The following ZNRF2 variants were observed in gnomAD, a reference collection of about 807,000 sequenced individuals.
ZNRF2 encodes E3 ubiquitin-protein ligase ZNRF2.
Under a neutral mutation model 20.4 loss-of-function variants are expected in ZNRF2, and 16 were observed. The observed-to-expected ratio is 0.79, with a 90% CI of 0.53 to 1.19. ZNRF2 has a LOEUF of 1.19. ZNRF2 is among the 50% of genes most tolerant of loss of function. ZNRF2 has a pLI of 0.00. For missense variants in ZNRF2, 363 were observed against 332.4 expected (o/e 1.09, Z -0.72); for synonymous variants, 178 against 144.9 (o/e 1.23, Z -1.64).
chr7:30,294,049 C>T (rs1283959782), intron 1 of ZNRF2, among the ~76,000 whole-genome samples: 2 of 151,926 alleles, frequency 1.3e-5, no homozygotes, highest in Non-Finnish European at 2.9e-5. Context: ...AACAGGGTCT[C>T]GCTATATTGC....
intron 2 of ZNRF2, among the ~76,000 whole-genome samples, chr7:30,354,001 G>A (rs1424835392): frequency 6.6e-6 from 1 of 151,886 alleles, no homozygotes; most frequent in Non-Finnish European, 1.5e-5. Context: ...TGTTCTCACT[G>A]CTATCAGTTA....
At chr7:30,298,449 G>C (rs535948008) in intron 1 of ZNRF2, among the ~76,000 whole-genome samples, 52 of 152,292 alleles carry the variant, frequency 3.4e-4, no homozygotes, top group African/African-American at 1.2e-3. Context: ...AGTGTCCTCT[G>C]TCTGGGCCAT....
At chr7:30,295,881 C>A (rs1799012483) in intron 1 of ZNRF2, among the ~76,000 whole-genome samples, 1 of 152,194 alleles carries the variant, frequency 6.6e-6, no homozygotes, top group Non-Finnish European at 1.5e-5. Flanking sequence ...AGACCATGTG[C>A]TTTACTCTGA....
intron 2 of ZNRF2, among the ~76,000 whole-genome samples, chr7:30,347,928 G>A (rs1288991797): frequency 6.6e-6 from 1 of 152,124 alleles, no homozygotes; most frequent in African/African-American, 2.4e-5. Flanking sequence ...TTTAGCCAGA[G>A]CTGCTGGTTC....
Position 30,360,053 on chromosome 7 carries a change from G to A in ZNRF2, c.672-2324G>A, listed in dbSNP as rs185414257. ...TTTGGTAGATAACCCTGTAATAGCT[G>A]TGTGGAGTACATATTCTACAACTCA... On this transcript the variant is annotated intron_variant, in intron 3 of 4. Transcript: ENST00000323037. Among the ~76,000 whole-genome samples the A allele has an allele frequency of 1.6e-4, 25 of 152,324 alleles. No homozygotes were observed. The East Asian group carries it at 4.6e-3, about 28-fold the overall frequency.
chr7:30,293,786 C>T (rs1156457701), intron 1 of ZNRF2, among the ~76,000 whole-genome samples: 9 of 152,092 alleles, frequency 5.9e-5, no homozygotes, highest in Admixed American at 4.6e-4. Flanking sequence ...TTATTTCATT[C>T]AGGGCTCTTT....
intron 2 of ZNRF2, among the ~76,000 whole-genome samples, chr7:30,347,400 A>C (rs187844075): frequency 6.6e-6 from 1 of 152,146 alleles, no homozygotes; most frequent in Non-Finnish European, 1.5e-5. Flanking sequence ...TTTCAGTGTC[A>C]GTGAGAGCAG....
At chr7:30,304,568 T>C (rs1799170802) in intron 1 of ZNRF2, among the ~76,000 whole-genome samples, 1 of 152,222 alleles carries the variant, frequency 6.6e-6, no homozygotes, top group South Asian at 2.1e-4. Context: ...TGGAGGAAAG[T>C]ATATTTGCAG....
intron 1 of ZNRF2, among the ~76,000 whole-genome samples, chr7:30,296,392 G>A (rs1200891166): frequency 6.6e-6 from 1 of 152,184 alleles, no homozygotes; most frequent in African/African-American, 2.4e-5. Flanking sequence ...ATGGTTGGAA[G>A]GATGGTTGAT....
intron 2 of ZNRF2, among the ~76,000 whole-genome samples, chr7:30,343,244 A>C (rs1295766571): frequency 6.6e-6 from 1 of 152,030 alleles, no homozygotes; most frequent in East Asian, 1.9e-4. Flanking sequence ...GAGCCCAGGA[A>C]TTGGAGGCTG....
intron 3 of ZNRF2, among the ~76,000 whole-genome samples, chr7:30,359,240 G>A (rs1047257979): frequency 2.6e-5 from 4 of 151,998 alleles, no homozygotes; most frequent in Non-Finnish European, 5.9e-5. Flanking sequence ...TTTTGTCTGG[G>A]ATACACTTCT....
chr7:30,362,649 C>G (rs538256510), intron 4 of ZNRF2, among the ~76,000 whole-genome samples, 193 bp downstream of exon 4: 1 of 152,192 alleles, frequency 6.6e-6, no homozygotes, highest in Non-Finnish European at 1.5e-5. Context: ...TATGCTGGCT[C>G]GCGCCTGTAA....
At chr7:30,311,427 A>G (rs928585807) in intron 1 of ZNRF2, among the ~76,000 whole-genome samples, 2 of 152,218 alleles carry the variant, frequency 1.3e-5, no homozygotes, top group East Asian at 1.9e-4. Flanking sequence ...AGCAAACCCA[A>G]TATAGCTAAG....
chr7:30,320,430 T>G (rs924981208), intron 1 of ZNRF2, among the ~76,000 whole-genome samples: 2 of 152,124 alleles, frequency 1.3e-5, no homozygotes, highest in Non-Finnish European at 2.9e-5. Flanking sequence ...CACATGCATA[T>G]CATATATATG....
intron 2 of ZNRF2, among the ~76,000 whole-genome samples, chr7:30,340,603 G>A (rs1042990680): frequency 1.3e-5 from 2 of 152,080 alleles, no homozygotes; most frequent in African/African-American, 4.8e-5. Context: ...TGATGGTAGT[G>A]GATAAGCTTT....
Position 30,285,353 on chromosome 7 carries a change from C to T in ZNRF2, c.-5C>T. Reference sequence around the variant, plus strand: ...CGCGCGGGCCCGGCCCGGGGCAGGGCGGACATGGGCGCCAAACAGAGCGGC... The same window carrying T: ...CGCGCGGGCCCGGCCCGGGGCAGGGTGGACATGGGCGCCAAACAGAGCGGC... On this transcript the variant is annotated 5_prime_UTR_variant, in exon 1 of 5. Coordinates refer to ENST00000323037, the MANE Select transcript of ZNRF2 (RefSeq NM_147128.4). 4.3e-6 allele frequency: 5 copies of T among 1,163,604 alleles called. No homozygotes were observed. Among genetic ancestry groups the T allele is most frequent in the South Asian group, 2.2e-5 (1 of 46,480 alleles). The allele number at this position is 1,163,604 out of a possible 1,614,324, so 72.1% of individuals were successfully genotyped here.
At chr7:30,307,720 T>C (rs1016399338) in intron 1 of ZNRF2, among the ~76,000 whole-genome samples, 113 of 152,218 alleles carry the variant, frequency 7.4e-4, no homozygotes, top group African/African-American at 2.5e-3. Context: ...CTCAAGACTT[T>C]GTATTTTGAT....
intron 1 of ZNRF2, among the ~76,000 whole-genome samples, chr7:30,288,390 CTAA>C (rs1420266214): frequency 6.6e-6 from 1 of 152,106 alleles, no homozygotes. Context: ...AAATGTGGTA[CTAA>C]TAAGATTCAA....
In ZNRF2 at chr7:30,337,462, G is replaced by C. The variant is rs114452604; in HGVS notation, c.565+13725G>C. On this transcript the variant is annotated intron_variant, in intron 2 of 4. Coordinates refer to ENST00000323037, the MANE Select transcript of ZNRF2 (RefSeq NM_147128.4). ...CATTTTTTTGTATCAGTTCCTTAAG[G>C]CCCAAGAGGGCCAGGTGACATCTCC... is the stretch of plus-strand genomic sequence containing the variant. 6.9e-3 allele frequency among the ~76,000 whole-genome samples: 1,052 copies of C among 152,118 alleles called. 20 individuals carry two copies. The highest frequency in any genetic ancestry group is 0.024 in the African/African-American group (1,012 of 41,504).
Sources: allele counts gnomAD v4.1 joint callset (sites outside exome capture counted in the v4.1 genomes callset), GRCh38; gene constraint gnomAD v4.1.1; transcripts MANE v1.5; gene names NCBI Gene and HGNC (gene_info 2026-07-23, HGNC 2026-07-21).